OR3A2: variants seen among roughly 807,000 people sequenced by gnomAD.
The protein encoded by OR3A2 is olfactory receptor 3A2.
For synonymous variants in OR3A2, 126 were observed against 159.3 expected (o/e 0.79, Z 1.57); for missense variants, 318 against 392.8 (o/e 0.81, Z 1.61).
intron 2 of OR3A2, among the ~76,000 whole-genome samples, chr17:3,364,982 C>A (rs886932391): frequency 1.3e-5 from 2 of 150,826 alleles, no homozygotes; most frequent in Non-Finnish European, 2.9e-5. Flanking sequence ...CATTATTACA[C>A]ATAGAGAATG....
chr17:3,359,715 C>T (rs1242592735), intron 2 of OR3A2, among the ~76,000 whole-genome samples: 1 of 151,600 alleles, frequency 6.6e-6, no homozygotes, highest in Non-Finnish European at 1.5e-5. Flanking sequence ...ATGATGGTTT[C>T]CAGCTTCATC....
intron 2 of OR3A2, among the ~76,000 whole-genome samples, chr17:3,376,985 C>T (rs2150667735): frequency 6.6e-6 from 1 of 152,310 alleles, no homozygotes; most frequent in South Asian, 2.1e-4. Flanking sequence ...ATCCTTCTCT[C>T]CCATGATCTG....
At chr17:3,339,862 T>C (rs2049302442) in intron 2 of OR3A2, among the ~76,000 whole-genome samples, 1 of 152,212 alleles carries the variant, frequency 6.6e-6, no homozygotes, top group African/African-American at 2.4e-5. Context: ...AGCTCCTCTT[T>C]GTACTTCGGG....
intron 3 of OR3A2, among the ~76,000 whole-genome samples, chr17:3,333,645 G>A (rs1439251892): frequency 6.6e-6 from 1 of 151,726 alleles, no homozygotes; most frequent in Non-Finnish European, 1.5e-5. Flanking sequence ...CAACACTTAG[G>A]GAAAATAGAA....
At chr17:3,342,509 T>A (rs1295459577) in intron 2 of OR3A2, among the ~76,000 whole-genome samples, 3 of 152,344 alleles carry the variant, frequency 2.0e-5, no homozygotes, top group Non-Finnish European at 4.4e-5. Context: ...TAGTTTTCCT[T>A]CTGTCAGGTC....
intron 2 of OR3A2, among the ~76,000 whole-genome samples, chr17:3,364,315 T>C (rs563165669): frequency 5.9e-5 from 9 of 152,376 alleles, no homozygotes; most frequent in East Asian, 1.9e-4. Context: ...CTAGTTAGCA[T>C]ATCTCACTTC....
intron 2 of OR3A2, among the ~76,000 whole-genome samples, chr17:3,382,489 C>A (rs1007153882): frequency 2.0e-5 from 3 of 152,198 alleles, no homozygotes; most frequent in Non-Finnish European, 4.4e-5. Context: ...GGGAGACCAG[C>A]CAACAATCTC....
intron 2 of OR3A2, among the ~76,000 whole-genome samples, chr17:3,379,372 C>G (rs910652106): frequency 6.6e-6 from 1 of 152,080 alleles, no homozygotes; most frequent in African/African-American, 2.4e-5. Flanking sequence ...TGCTCTGACA[C>G]CAGCTGGACA....
chr17:3,326,934 T>A (rs1207007425), intron 3 of OR3A2, among the ~76,000 whole-genome samples: 1 of 109,942 alleles, frequency 9.1e-6, no homozygotes, highest in Non-Finnish European at 1.7e-5. Context: ...GTGCCACATT[T>A]TCTTAATCCA....
intron 2 of OR3A2, among the ~76,000 whole-genome samples, chr17:3,375,022 A>G (rs2049667462): frequency 6.6e-6 from 1 of 150,488 alleles, no homozygotes; most frequent in Non-Finnish European, 1.5e-5. Flanking sequence ...TTTTTCATTC[A>G]TATCCTGTAT....
chr17:3,379,293 G>A (rs1180190435), intron 2 of OR3A2, among the ~76,000 whole-genome samples: 1 of 152,090 alleles, frequency 6.6e-6, no homozygotes, highest in African/African-American at 2.4e-5. Context: ...GATCCAGGAG[G>A]GCTACTCTGC....
chr17:3,289,333 A>G (rs2048843367), upstream of OR3A2, among the ~76,000 whole-genome samples: 2 of 152,220 alleles, frequency 1.3e-5, no homozygotes, highest in South Asian at 2.1e-4. Context: ...ATGAAATGGA[A>G]TCTCCCAAAT....
intron 2 of OR3A2, among the ~76,000 whole-genome samples, chr17:3,371,362 C>T (rs540596401): frequency 1.3e-4 from 20 of 149,196 alleles, no homozygotes; most frequent in East Asian, 8.1e-4. Context: ...GGCGGCTGGC[C>T]GGGCGGGGGG....
chr17:3,289,667 G>A (rs1470784944), intron 3 of OR3A2, among the ~76,000 whole-genome samples: 3 of 152,158 alleles, frequency 2.0e-5, no homozygotes, highest in East Asian at 1.9e-4. Context: ...GAGAAATCTC[G>A]CAGTGGAAGA....
chr17:3,352,927 A>T (rs2150654822), intron 2 of OR3A2, among the ~76,000 whole-genome samples: 1 of 151,862 alleles, frequency 6.6e-6, no homozygotes, highest in Admixed American at 6.6e-5. Flanking sequence ...TTCTTTTATC[A>T]GTGTTTTACA....
Position 3,363,454 on chromosome 17 carries a change from C to A in OR3A2, c.-179+20350G>T, listed in dbSNP as rs137997568. On this transcript the variant is annotated intron_variant, in intron 2 of 4. Transcript: ENST00000573491. ...TTACTCCAGTTTTCAATAAGTTCCT[C>A]ATCACCATATGAGACCACCTCAGCC... 1.1e-4 allele frequency among the ~76,000 whole-genome samples: 16 copies of A among 151,850 alleles called. No individual in the cohort carries two copies. The East Asian group carries it at 2.7e-3, about 26-fold the overall frequency.
chr17:3,320,859 C>T (rs4790132), intron 3 of OR3A2, among the ~76,000 whole-genome samples: 61,871 of 150,712 alleles, frequency 0.41, 12,834 homozygotes, highest in Admixed American at 0.52. Flanking sequence ...CTTGGCGGTG[C>T]GGGCTCTTTT....
chr17:3,336,702 A>G (rs1389082501), intron 2 of OR3A2, among the ~76,000 whole-genome samples: 1 of 152,180 alleles, frequency 6.6e-6, no homozygotes, highest in Non-Finnish European at 1.5e-5. Context: ...GCCAGACACC[A>G]TACTTTAGCT....
At chr17:3,341,583 A>C (rs1267663478) in intron 2 of OR3A2, among the ~76,000 whole-genome samples, 1 of 152,122 alleles carries the variant, frequency 6.6e-6, no homozygotes, top group South Asian at 2.1e-4. Context: ...AGAATGTTGA[A>C]TATTGGCCCC....
Sources: allele counts gnomAD v4.1 joint callset (sites outside exome capture counted in the v4.1 genomes callset), GRCh38; gene constraint gnomAD v4.1.1; transcripts MANE v1.5; gene names NCBI Gene and HGNC (gene_info 2026-07-23, HGNC 2026-07-21).